DAAM1: variants seen among roughly 807,000 people sequenced by gnomAD.
DAAM1 encodes dishevelled associated activator of morphogenesis 1.
Under a neutral mutation model 130.0 loss-of-function variants are expected in DAAM1, and 52 were observed. The observed-to-expected ratio is 0.40, with a 90% CI of 0.32 to 0.50. The LOEUF is 0.50. Among genes scored for constraint, DAAM1 ranks in the 20% least tolerant of loss-of-function variants. The probability of loss-of-function intolerance (pLI) is 0.61; values close to 1 mark genes in which losing one functional copy is unlikely to be tolerated. For synonymous variants in DAAM1, 452 were observed against 444.5 expected (o/e 1.02, Z -0.21); for missense variants, 1,134 against 1,303.8 (o/e 0.87, Z 2.01).
chr14:59,209,670 T>A (rs1272037001), intron 1 of DAAM1, among the ~76,000 whole-genome samples: 3 of 152,316 alleles, frequency 2.0e-5, no homozygotes, highest in South Asian at 4.1e-4. Flanking sequence ...TTTGAGCATG[T>A]TTAAGGTAGG....
intron 15 of DAAM1, 26 bp from the exon 16 acceptor site, chr14:59,340,048 A>T: frequency 1.2e-6 from 2 of 1,604,230 alleles, no homozygotes; most frequent in Non-Finnish European, 1.7e-6. Flanking sequence ...TTGGACTTTG[A>T]TGGATTTCTT....
At chr14:59,289,769 T>TAGATAGATAG (rs1566686615) in intron 2 of DAAM1, among the ~76,000 whole-genome samples, 1 of 60,140 alleles carries the variant, frequency 1.7e-5, no homozygotes, top group South Asian at 7.1e-4. Context: ...CAAAATGTGA[T>TAGATAGATAG]ATATATATAT....
chr14:59,305,404 G>A lies in DAAM1; in HGVS notation c.274-9876G>A, dbSNP rs1884339045. ...GTTGTCATATAAATTGGTTTCAGAT[G>A]TTGGAGTTGTACTGCTTGAGAATTT... On this transcript the variant is annotated intron_variant, in intron 3 of 24. Coordinates refer to ENST00000360909, the MANE Select transcript of DAAM1 (RefSeq NM_001270520.2). Among the ~76,000 whole-genome samples the A allele has an allele frequency of 3.3e-5, 5 of 152,234 alleles. 1 individual carries two copies. The South Asian group carries it at 1.0e-3, about 31-fold the overall frequency.
intron 2 of DAAM1, among the ~76,000 whole-genome samples, chr14:59,276,135 T>TCTCAATAA (rs1882957581): frequency 6.6e-6 from 1 of 152,206 alleles, no homozygotes; most frequent in Non-Finnish European, 1.5e-5. Context: ...AAAATATTAT[T>TCTCAATAA]CTCAGAGTCA....
chr14:59,300,538 C>T (rs562330895), intron 3 of DAAM1, among the ~76,000 whole-genome samples: 6 of 152,136 alleles, frequency 3.9e-5, no homozygotes, highest in Non-Finnish European at 8.8e-5. Flanking sequence ...TAAACTGTTG[C>T]TTTCTGTTTG....
At chr14:59,276,731 A>G (rs1047175859) in intron 2 of DAAM1, among the ~76,000 whole-genome samples, 1 of 152,240 alleles carries the variant, frequency 6.6e-6, no homozygotes, top group East Asian at 1.9e-4. Context: ...AACTCTGTAC[A>G]TTGAGTCAGA....
At position 59,286,949 on chromosome 14, in the gene DAAM1, C is replaced by G. The variant is rs368266670; in HGVS notation, c.184-4268C>G. Among the ~76,000 whole-genome samples the G allele has an allele frequency of 4.3e-3, 653 of 152,212 alleles. 2 individuals are homozygous for G. Among genetic ancestry groups the G allele is most frequent in the African/African-American group, 0.014 (573 of 41,548 alleles). On this transcript the variant is annotated intron_variant, in intron 2 of 24. Transcript: ENST00000360909. Reference sequence around the variant, plus strand: ...CTAACTCTCTAAAACCAGCATCACCCTGATACCAAAGACTGGCAGAGACAC... The same window carrying G: ...CTAACTCTCTAAAACCAGCATCACCGTGATACCAAAGACTGGCAGAGACAC...
rs149310401 is a variant in DAAM1, at chr14:59,218,965, G to A, written c.-38+30197G>A. On this transcript the variant is annotated intron_variant, in intron 1 of 24. Coordinates refer to ENST00000360909, the MANE Select transcript of DAAM1 (RefSeq NM_001270520.2). The stretch of plus-strand genomic sequence containing the variant: ...GGGACTGTATTACAAGCCATATGAC[G>A]GACACATAACCTGTTAGTGCTCTAG... Among the ~76,000 whole-genome samples the A allele has an allele frequency of 1.4e-3, 210 of 152,232 alleles. 1 individual carries two copies. The highest frequency in any genetic ancestry group is 2.4e-3 in the Admixed American group (36 of 15,300).
At chr14:59,301,029 TATA>T (rs1481724877) in intron 3 of DAAM1, among the ~76,000 whole-genome samples, 2 of 152,192 alleles carry the variant, frequency 1.3e-5, no homozygotes, top group Non-Finnish European at 2.9e-5. Flanking sequence ...TCAAAGTGGT[TATA>T]ATAACTTATA....
At chr14:59,188,929 C>G (rs1415975599) in intron 1 of DAAM1, among the ~76,000 whole-genome samples, 161 bp downstream of exon 1, 1 of 152,150 alleles carries the variant, frequency 6.6e-6, no homozygotes, top group Non-Finnish European at 1.5e-5. Context: ...ATATTAAACC[C>G]GTCCTTCAGG....
chr14:59,265,935 A>C (rs1158178192), intron 2 of DAAM1: 3 of 152,248 alleles, frequency 2.0e-5, no homozygotes, highest in African/African-American at 7.2e-5. Flanking sequence ...CTGAGTTTGC[A>C]TATAAGGAGG....
At chr14:59,336,976 A>G (rs1449681101) in intron 15 of DAAM1, among the ~76,000 whole-genome samples, 2 of 152,158 alleles carry the variant, frequency 1.3e-5, no homozygotes, top group African/African-American at 4.8e-5. Flanking sequence ...CACCCGGTAA[A>G]TAACAGTTGC....
intron 1 of DAAM1, among the ~76,000 whole-genome samples, chr14:59,203,491 T>C (rs1888174234): frequency 6.6e-6 from 1 of 152,182 alleles, no homozygotes; most frequent in Non-Finnish European, 1.5e-5. Context: ...TTTTAGGCCT[T>C]AGGGATAATA....
In DAAM1 at chr14:59,324,430, A is replaced by G; in HGVS notation, c.965A>G (p.Glu322Gly). ...GIQPVIDKLR[E>G]HENSTLDRHL... ...CAACCTGTAATAGATAAATTAAGGG[A>G]ACACGAAAATTCAACATTAGATAGG... Residue 322 changes from glutamate to glycine, a missense_variant, in exon 8 of 25, where the codon GAA becomes GGA. Around this residue, in one of 3 missense-constraint regions of DAAM1, gnomAD observed 391 missense variants for 521.6 expected, o/e 0.75. Coordinates refer to ENST00000360909, the MANE Select transcript of DAAM1 (RefSeq NM_001270520.2). The G allele has an allele frequency of 1.3e-6, 2 of 1,590,114 alleles. No homozygotes were observed. Among genetic ancestry groups the G allele is most frequent in the Non-Finnish European group, 1.7e-6 (2 of 1,168,760 alleles).
intron 17 of DAAM1, among the ~76,000 whole-genome samples, chr14:59,349,798 C>T (rs1007056554): frequency 6.6e-6 from 1 of 152,194 alleles, no homozygotes; most frequent in Non-Finnish European, 1.5e-5. Context: ...CACAACTCTC[C>T]TTTGAGAGGG....
intron 1 of DAAM1, among the ~76,000 whole-genome samples, chr14:59,218,305 C>G (rs748415839): frequency 2.6e-5 from 4 of 152,102 alleles, no homozygotes; most frequent in Non-Finnish European, 5.9e-5. Context: ...TTTTTTCTGC[C>G]CCAGAGGGTC....
At chr14:59,291,655 A>C in intron 3 of DAAM1, 1 of 197,144 alleles carries the variant, frequency 5.1e-6, no homozygotes, top group Non-Finnish European at 1.0e-5. Context: ...GCCCTCTAAA[A>C]CCACCTTCTG....
rs377498077 is a variant in DAAM1 at position 59,319,274 on chromosome 14, G to A, written c.346-1216G>A. On this transcript the variant is annotated intron_variant, in intron 4 of 24. Transcript: ENST00000360909. ...TTTTAAAGACCGAAAAAACTACTGG[G>A]TTTTATTTCAGTTGCCATAAATGAT... Among the ~76,000 whole-genome samples the A allele has an allele frequency of 1.0e-3, 156 of 152,062 alleles. 2 individuals are homozygous for A. The highest frequency in any genetic ancestry group is 3.7e-3 in the African/African-American group (152 of 41,492).
In DAAM1 at chr14:59,319,598, G is replaced by A. The variant is rs137951869; in HGVS notation, c.346-892G>A. ...GTGTTCAGAATAGGATGAAGAAAAG[G>A]GACCAGGAGCTCCATGGATGGAGGA... On this transcript the variant is annotated intron_variant, in intron 4 of 24. Coordinates refer to ENST00000360909, the MANE Select transcript of DAAM1 (RefSeq NM_001270520.2). Among the ~76,000 whole-genome samples the A allele has an allele frequency of 2.8e-3, 421 of 152,280 alleles. 3 individuals carry two copies. Among genetic ancestry groups the A allele is most frequent in the Middle Eastern group, 0.027 (8 of 294 alleles).
Sources: allele counts gnomAD v4.1 joint callset (sites outside exome capture counted in the v4.1 genomes callset), GRCh38; gene constraint gnomAD v4.1.1; regional missense constraint gnomAD v4.1.1; transcripts MANE v1.5; gene names NCBI Gene and HGNC (gene_info 2026-07-23, HGNC 2026-07-21).